The following DNAJC25 variants were observed in gnomAD, a reference collection of about 807,000 sequenced individuals.
The protein encoded by DNAJC25 is DnaJ heat shock protein family (Hsp40) member C25.
Under a neutral mutation model 42.1 loss-of-function variants are expected in DNAJC25, and 26 were observed. The observed-to-expected ratio is 0.62, with a 90% CI of 0.45 to 0.86. The LOEUF is 0.86. Among genes scored for constraint, DNAJC25 ranks in the 40% least tolerant of loss-of-function variants. The probability of loss-of-function intolerance (pLI) is 0.00; values close to 1 mark genes in which losing one functional copy is unlikely to be tolerated. For missense variants in DNAJC25, 404 were observed against 459.4 expected (o/e 0.88, Z 1.10); for synonymous variants, 189 against 179.9 (o/e 1.05, Z -0.40).
At chr9:111,651,152 T>C (rs1053583475) in intron 3 of DNAJC25, among the ~76,000 whole-genome samples, 14 of 150,720 alleles carry the variant, frequency 9.3e-5, no homozygotes, top group Middle Eastern at 3.4e-3. Flanking sequence ...TAATCCTAGC[T>C]ACTCGGGAGG....
intron 1 of DNAJC25, among the ~76,000 whole-genome samples, chr9:111,640,899 C>G (rs1348850596): frequency 9.9e-6 from 1 of 101,128 alleles, no homozygotes; most frequent in Non-Finnish European, 1.8e-5. Context: ...GGTCAGCCCC[C>G]CCGCCCGGCC....
At chr9:111,646,197 A>G (rs1429469693) in intron 1 of DNAJC25, among the ~76,000 whole-genome samples, 1 of 152,256 alleles carries the variant, frequency 6.6e-6, no homozygotes, top group Admixed American at 6.5e-5. Flanking sequence ...TGGAAAATGT[A>G]ATAGGTTTCC....
chr9:111,651,238 T>C (rs1172036322), intron 3 of DNAJC25, among the ~76,000 whole-genome samples: 1 of 136,874 alleles, frequency 7.3e-6, no homozygotes, highest in Non-Finnish European at 1.5e-5. Flanking sequence ...CACTCTGGCC[T>C]GAGCAACAGA....
chr9:111,640,829 G>A (rs1830443789), intron 1 of DNAJC25, among the ~76,000 whole-genome samples: 2 of 132,140 alleles, frequency 1.5e-5, no homozygotes, highest in African/African-American at 6.1e-5. Flanking sequence ...CGTCCGGGAG[G>A]GAGGTGGGGG....
chr9:111,648,503 C>G (rs1830601960), intron 2 of DNAJC25, among the ~76,000 whole-genome samples: 2 of 151,826 alleles, frequency 1.3e-5, no homozygotes, highest in Admixed American at 1.3e-4. Flanking sequence ...CTCCTGGGCT[C>G]AAGCAATCCA....
intron 1 of DNAJC25, among the ~76,000 whole-genome samples, chr9:111,635,408 C>CT (rs1830348686): frequency 6.6e-6 from 1 of 152,144 alleles, no homozygotes; most frequent in African/African-American, 2.4e-5. Context: ...CCATTTCACT[C>CT]AAATTAATTG....
chr9:111,631,497 G>A lies in DNAJC25; in HGVS notation c.90G>A (p.Leu30=), dbSNP rs1258250175. 1 of 1,328,040 alleles carries A rather than the reference G, an allele frequency of 7.5e-7. No individual in the cohort carries two copies. The highest frequency in any genetic ancestry group is 2.8e-4 in the Middle Eastern group (1 of 3,612). 82.3% of individuals were successfully genotyped at this position (1,328,040 alleles called of 1,614,324 possible). ...WMLLAPLLPA[L]LLVRPAGALV... is the part of the protein sequence containing the mutation. ...TGCTGGCGCCCCTGCTGCCGGCGCT[G>A]CTGCTGGTGCGGCCCGCGGGGGCCC... The change falls in exon 1 of 4, where the codon CTG becomes CTA. Residue 30 remains leucine (L), a synonymous_variant. Transcript: ENST00000313525.
At chr9:111,642,779 G>A in intron 1 of DNAJC25, 1 of 464,484 alleles carries the variant, frequency 2.2e-6, no homozygotes, top group Non-Finnish European at 4.5e-6. Context: ...CCCTTTAAGA[G>A]AAGGAAGGAT....
At position 111,631,801 on chromosome 9, in the gene DNAJC25, C is replaced by T. The variant is rs538074608; in HGVS notation, c.336+58C>T. On this transcript the variant is annotated intron_variant, in intron 1 of 3. Coordinates refer to ENST00000313525, the MANE Select transcript of DNAJC25 (RefSeq NM_001015882.3). The stretch of plus-strand genomic sequence containing the variant: ...ACTGGCCGCGGGAAGCCCACGGCGC[C>T]TTCCGACCCCGGTCCGCGGAGCGTG... 88 of 1,457,606 alleles carry T rather than the reference C, an allele frequency of 6.0e-5. 1 individual carries two copies. The South Asian group carries it at 1.1e-3, about 18-fold the overall frequency. 90.3% of individuals were successfully genotyped at this position (1,457,606 alleles called of 1,614,324 possible). A position where few individuals can be genotyped will look rare whatever the true frequency, so the allele number is the denominator to read the frequency against.
intron 1 of DNAJC25, chr9:111,642,781 A>G: frequency 6.4e-6 from 3 of 465,266 alleles, no homozygotes; most frequent in Non-Finnish European, 1.3e-5. Context: ...CTTTAAGAGA[A>G]GGAAGGATTC....
chr9:111,631,802 T>C (rs1830285104), intron 1 of DNAJC25, 59 bp downstream of exon 1: 2 of 1,457,700 alleles, frequency 1.4e-6, no homozygotes, highest in Non-Finnish European at 1.8e-6. Context: ...CCACGGCGCC[T>C]TCCGACCCCG....
chr9:111,652,688 T>G (rs2131271896), intron 3 of DNAJC25, among the ~76,000 whole-genome samples: 1 of 151,760 alleles, frequency 6.6e-6, no homozygotes, highest in Non-Finnish European at 1.5e-5. Flanking sequence ...ATTATAGGCA[T>G]GTGCCACCAC....
chr9:111,631,650 C>T lies in DNAJC25; in HGVS notation c.243C>T (p.Tyr81=), dbSNP rs933387328. The T allele has an allele frequency of 9.9e-6, 15 of 1,517,230 alleles. No individual in the cohort carries two copies. Among genetic ancestry groups the T allele is most frequent in the Non-Finnish European group, 1.2e-5 (14 of 1,139,582 alleles). The allele number at this position is 1,517,230 out of a possible 1,614,324, so 94.0% of individuals were successfully genotyped here. The part of the protein sequence containing the change: ...QLARRYHPDR[Y]RPQPGDEGPG... ...CCCGGCGCTACCACCCTGACCGCTACCGGCCCCAGCCCGGAGACGAGGGCC... is the reference window on the plus strand; with the variant it reads ...CCCGGCGCTACCACCCTGACCGCTATCGGCCCCAGCCCGGAGACGAGGGCC... The change falls in exon 1 of 4, where the codon TAC becomes TAT. Residue 81 remains tyrosine (Y), a synonymous_variant. Coordinates refer to ENST00000313525, the MANE Select transcript of DNAJC25 (RefSeq NM_001015882.3).
At chr9:111,632,555 C>T (rs946305778) in intron 1 of DNAJC25, among the ~76,000 whole-genome samples, 2 of 152,172 alleles carry the variant, frequency 1.3e-5, no homozygotes, top group Non-Finnish European at 2.9e-5. Flanking sequence ...CTGTTTTCTT[C>T]TACTACTGCA....
At chr9:111,644,612 G>A (rs1024314611) in intron 1 of DNAJC25, among the ~76,000 whole-genome samples, 5 of 152,198 alleles carry the variant, frequency 3.3e-5, no homozygotes, top group Admixed American at 6.5e-5. Context: ...GCAAAGGGCT[G>A]CACAGAGACA....
At position 111,631,743 on chromosome 9, in the gene DNAJC25, G is replaced by A; in HGVS notation, c.336G>A (p.Lys112=). The part of the protein sequence containing the change: ...LLVATAYETL[K]DEETRKDYDY... ...TGGCAACCGCCTACGAGACACTCAAGGTGAGGCCTGCGGGCGTGGAGGGGC... is the reference window on the plus strand; with the variant it reads ...TGGCAACCGCCTACGAGACACTCAAAGTGAGGCCTGCGGGCGTGGAGGGGC... Residue 112 remains lysine (K), a splice_region_variant and synonymous_variant, in exon 1 of 4, where the codon AAG becomes AAA. Transcript: ENST00000313525. 6.6e-7 allele frequency: 1 copy of A among 1,514,800 alleles called. No homozygotes were observed. Among genetic ancestry groups the A allele is most frequent in the East Asian group, 2.7e-5 (1 of 37,306 alleles). 93.8% of individuals were successfully genotyped at this position (1,514,800 alleles called of 1,614,324 possible).
At position 111,631,863 on chromosome 9, in the gene DNAJC25, C is replaced by T. The variant is rs975919825; in HGVS notation, c.336+120C>T. The T allele has an allele frequency of 3.6e-6, 5 of 1,392,154 alleles. No individual in the cohort carries two copies. In the African/African-American group the frequency reaches 7.6e-5, roughly 21 times the overall value. The allele number at this position is 1,392,154 out of a possible 1,614,324, so 86.2% of individuals were successfully genotyped here. ...CCCCGAAACTGAGCACAGCCACCAC[C>T]GCGACCTTTAAGATACTCACGTTTC... On this transcript the variant is annotated intron_variant, in intron 1 of 3. Transcript: ENST00000313525.
At chr9:111,643,144 A>G (rs1830508838) in intron 1 of DNAJC25, 1 of 239,176 alleles carries the variant, frequency 4.2e-6, no homozygotes, top group Non-Finnish European at 8.7e-6. Flanking sequence ...CCACAGTAGC[A>G]TATTTTCATA....
At position 111,647,775 on chromosome 9, in the gene DNAJC25, C is replaced by G. The variant is rs572095784; in HGVS notation, c.489+516C>G. On this transcript the variant is annotated intron_variant, in intron 2 of 3. Coordinates refer to ENST00000313525, the MANE Select transcript of DNAJC25 (RefSeq NM_001015882.3). ...AAATAGATTAAAAGAGGCATAGGAA[C>G]TTTCTGTTTTTGTTTTTGTTTTGAG... Among the ~76,000 whole-genome samples the G allele has an allele frequency of 7.6e-4, 115 of 152,136 alleles. 1 individual carries two copies. Among genetic ancestry groups the G allele is most frequent in the Non-Finnish European group, 1.4e-3 (96 of 68,020 alleles).
Sources: gnomAD v4.1 joint callset for allele counts (sites outside exome capture counted in the v4.1 genomes callset) on GRCh38, gnomAD v4.1.1 for gene constraint, MANE v1.5 for transcripts, NCBI Gene and HGNC (gene_info 2026-07-23, HGNC 2026-07-21) for gene names.